The following PCYOX1 variants were observed in gnomAD, a reference collection of about 807,000 sequenced individuals.
PCYOX1 encodes prenylcysteine oxidase 1, also known as prenylcysteine lyase.
In PCYOX1, 46 loss-of-function variants were observed where a neutral mutation model predicts 46.4. The ratio of observed to expected loss-of-function variants is 0.99; its 90% CI spans 0.78 to 1.27. The LOEUF is 1.27. PCYOX1 is among the 50% of genes most tolerant of loss of function. PCYOX1 has a pLI of 0.00. For synonymous variants in PCYOX1, 220 were observed against 231.8 expected, an observed-to-expected ratio of 0.95 and a Z score of 0.46; for missense variants, 658 against 628.3, an observed-to-expected ratio of 1.05 and a Z score of -0.51.
intron 3 of PCYOX1, among the ~76,000 whole-genome samples, chr2:70,269,230 G>A (rs1157324289): frequency 2.7e-5 from 4 of 147,602 alleles, no homozygotes; most frequent in African/African-American, 7.5e-5. Context: ...AGGCTAGAGT[G>A]TAGTATGTTC....
At position 70,277,018 on chromosome 2, in the gene PCYOX1, A is replaced by G. The variant is rs1185638706; in HGVS notation, c.1144A>G (p.Ser382Gly). ...TTDNSDLFIN[S>G]IGIVPSVREK... The stretch of plus-strand genomic sequence containing the variant: ...TGATAATTCAGATTTGTTCATTAAC[A>G]GTATTGGGATTGTGCCCTCTGTGAG... The change falls in exon 6 of 6, where the codon AGT becomes GGT. Residue 382 changes from serine (S) to glycine (G), a missense_variant. Ser to Gly is a moderately conservative substitution (Grantham distance 56). Transcript: ENST00000433351. 5.0e-6 allele frequency: 8 copies of G among 1,613,960 alleles called. No homozygotes were observed. Among genetic ancestry groups the G allele is most frequent in the Non-Finnish European group, 6.8e-6 (8 of 1,179,904 alleles).
chr2:70,268,950 A>C (rs1323193035), intron 3 of PCYOX1, among the ~76,000 whole-genome samples: 1 of 152,092 alleles, frequency 6.6e-6, no homozygotes, highest in Non-Finnish European at 1.5e-5. Context: ...GAACTATAAG[A>C]AATAAAACTT....
In PCYOX1 at chr2:70,277,283, GT is replaced by G; in HGVS notation, c.1410del (p.Ser470ArgfsTer22). On this transcript the variant is annotated frameshift_variant, in exon 6 of 6. Transcript: ENST00000433351. LOFTEE classifies it high-confidence loss of function. ...TGTGCAGCAAGTGCCATGGAGATGA[GT>G]GCCATTGCAGCCCACAACGCTGCAC... Reference protein sequence around the residue: ...IECAASAMEMSAIAAHNAALL... With the variant: ...IECAASAMEMXAIAAHNAALL... 1 of 1,614,022 alleles carries G rather than the reference GT, an allele frequency of 6.2e-7. No individual in the cohort carries two copies. Among genetic ancestry groups the G allele is most frequent in the Admixed American group, 1.7e-5 (1 of 60,010 alleles).
At position 70,277,739 on chromosome 2, in the gene PCYOX1, C is replaced by T. The variant is rs551387584; in HGVS notation, c.*347C>T. 5.5e-6 allele frequency: 1 copy of T among 181,134 alleles called. No homozygotes were observed. Among genetic ancestry groups the T allele is most frequent in the Admixed American group, 5.8e-5 (1 of 17,152 alleles). 11.2% of individuals were successfully genotyped at this position (181,134 alleles called of 1,614,324 possible). ...CTGAGCAACACGAGCAAAACTCCGT[C>T]TCAAAAGTAAATAAAAATAATCACC... is the stretch of plus-strand genomic sequence containing the variant. On this transcript the variant is annotated 3_prime_UTR_variant, in exon 6 of 6. Coordinates refer to ENST00000433351, the MANE Select transcript of PCYOX1 (RefSeq NM_016297.4).
At position 70,260,013 on chromosome 2, in the gene PCYOX1, A is replaced by G. The variant is rs868577573; in HGVS notation, c.319+447A>G. On this transcript the variant is annotated intron_variant, in intron 2 of 5. Coordinates refer to ENST00000433351, the MANE Select transcript of PCYOX1 (RefSeq NM_016297.4). Reference sequence around the variant, plus strand: ...GTATTTTCAGTAGTGACGGGGTTTCACCATGTTGGCCAGCTGGTCTTGAAC... The same window carrying G: ...GTATTTTCAGTAGTGACGGGGTTTCGCCATGTTGGCCAGCTGGTCTTGAAC... Among the ~76,000 whole-genome samples, 24 of 152,142 alleles carry G rather than the reference A, an allele frequency of 1.6e-4. No individual in the cohort carries two copies. In the Middle Eastern group the frequency reaches 0.02, roughly 129 times the overall value.
At chr2:70,267,518 G>A (rs1013669675) in intron 3 of PCYOX1, among the ~76,000 whole-genome samples, 32 of 152,110 alleles carry the variant, frequency 2.1e-4, no homozygotes, top group Middle Eastern at 3.2e-3. Flanking sequence ...CTGAGTGAGC[G>A]ACACTCCGTC....
rs1394770559 is a variant in PCYOX1 at position 70,259,492 on chromosome 2, G to C, written c.245G>C (p.Gly82Ala). ...GGRLATMMVQ[G>A]QEYEAGGSVI... ...CGCCTGGCTACCATGATGGTGCAGG[G>C]GCAAGAATACGAGGCAGGAGGTTCT... The change falls in exon 2 of 6, where the codon GGG becomes GCG. Residue 82 changes from glycine to alanine, a missense_variant. Physicochemically the swap from Gly to Ala is moderately conservative, Grantham distance 60. Coordinates refer to ENST00000433351, the MANE Select transcript of PCYOX1 (RefSeq NM_016297.4). 6.2e-7 allele frequency: 1 copy of C among 1,614,060 alleles called. No homozygotes were observed. The highest frequency in any genetic ancestry group is 1.1e-5 in the South Asian group (1 of 91,078).
rs1696712969 is a variant in PCYOX1 at position 70,278,098 on chromosome 2, G to A, written c.*706G>A. ...CTTCTGTCTTGATTTGATTAGGGGT[G>A]AAATTTAGAAGTCTTAGTAATGTAA... On this transcript the variant is annotated 3_prime_UTR_variant, in exon 6 of 6. Coordinates refer to ENST00000433351, the MANE Select transcript of PCYOX1 (RefSeq NM_016297.4). 1 of 152,244 alleles carries A rather than the reference G, an allele frequency of 6.6e-6. No homozygotes were observed. The highest frequency in any genetic ancestry group is 2.1e-4 in the South Asian group (1 of 4,824). 9.4% of individuals were successfully genotyped at this position (152,244 alleles called of 1,614,324 possible). A position where few individuals can be genotyped will look rare whatever the true frequency, so the allele number is the denominator to read the frequency against.
At chr2:70,258,433 G>A in intron 1 of PCYOX1, 157 bp downstream of exon 1, 1 of 541,658 alleles carries the variant, frequency 1.8e-6, no homozygotes, top group Non-Finnish European at 3.2e-6. Flanking sequence ...ACACTTCAGG[G>A]CGGCTTTCAG....
intron 2 of PCYOX1, among the ~76,000 whole-genome samples, chr2:70,260,738 T>A (rs1383571232): frequency 6.6e-6 from 1 of 152,148 alleles, no homozygotes; most frequent in Non-Finnish European, 1.5e-5. Flanking sequence ...ATCTGAAATA[T>A]CCAGTTTTGC....
chr2:70,258,278 T>C lies in PCYOX1; in HGVS notation c.112+2T>C, dbSNP rs1185397149. The C allele has an allele frequency of 3.2e-6, 5 of 1,576,870 alleles. No individual in the cohort carries two copies. Among genetic ancestry groups the C allele is most frequent in the Non-Finnish European group, 4.3e-6 (5 of 1,167,672 alleles). ...TGCGTGCTCCGCCAGATAAAATCGG[T>C]AGGCGAGAAGGGGGCGGCGCGGGAA... is the stretch of plus-strand genomic sequence containing the variant. On this transcript the variant is annotated splice_donor_variant, in intron 1 of 5. Coordinates refer to ENST00000433351, the MANE Select transcript of PCYOX1 (RefSeq NM_016297.4). LOFTEE classifies it high-confidence loss of function.
intron 3 of PCYOX1, among the ~76,000 whole-genome samples, chr2:70,269,622 C>G (rs1696574228): frequency 6.6e-6 from 1 of 152,186 alleles, no homozygotes; most frequent in African/African-American, 2.4e-5. Flanking sequence ...CAGGCGTGAG[C>G]CACTGCACCC....
At chr2:70,273,190 T>C (rs1296648441) in intron 3 of PCYOX1, among the ~76,000 whole-genome samples, 1 of 152,190 alleles carries the variant, frequency 6.6e-6, no homozygotes, top group Non-Finnish European at 1.5e-5. Flanking sequence ...GCTTATTTAA[T>C]TGACTGTTAT....
intron 3 of PCYOX1, among the ~76,000 whole-genome samples, chr2:70,263,780 C>G (rs1696473618): frequency 6.6e-6 from 1 of 151,846 alleles, no homozygotes; most frequent in Admixed American, 6.6e-5. Flanking sequence ...CTGCCTCAGC[C>G]TCCTGAGTAG....
At chr2:70,260,614 G>A (rs1052323322) in intron 2 of PCYOX1, among the ~76,000 whole-genome samples, 4 of 152,224 alleles carry the variant, frequency 2.6e-5, no homozygotes, top group Non-Finnish European at 5.9e-5. Flanking sequence ...AACTTGGGAT[G>A]TGCAACTGCT....
intron 3 of PCYOX1, among the ~76,000 whole-genome samples, chr2:70,266,854 T>C (rs1399913915): frequency 1.3e-5 from 2 of 149,438 alleles, no homozygotes; most frequent in Non-Finnish European, 3.0e-5. Context: ...GAGTCTCCTA[T>C]GTCCACCTCT....
chr2:70,261,400 C>A lies in PCYOX1; in HGVS notation c.494+14C>A. The A allele has an allele frequency of 6.4e-7, 1 of 1,561,896 alleles. No homozygotes were observed. Among genetic ancestry groups the A allele is most frequent in the Non-Finnish European group, 8.8e-7 (1 of 1,138,618 alleles). On this transcript the variant is annotated intron_variant, in intron 3 of 5. Transcript: ENST00000433351. The stretch of plus-strand genomic sequence containing the variant: ...CAAGTTCATGAGGTAATTTTTTTTC[C>A]TTCCATTTAACCTAAGATCTTTTAA...
chr2:70,270,115 C>G (rs1696582708), intron 3 of PCYOX1, among the ~76,000 whole-genome samples: 1 of 152,154 alleles, frequency 6.6e-6, no homozygotes, highest in Admixed American at 6.5e-5. Context: ...CTGCCTCAGC[C>G]TCCTGAATAG....
At chr2:70,276,274 A>C (rs962732645) in intron 5 of PCYOX1, among the ~76,000 whole-genome samples, 93 of 150,720 alleles carry the variant, frequency 6.2e-4, no homozygotes, top group African/African-American at 2.2e-3. Flanking sequence ...GGTTCACGCC[A>C]TTCTCCTGCC....
Sources: gnomAD v4.1 joint callset for allele counts (sites outside exome capture counted in the v4.1 genomes callset) on GRCh38, gnomAD v4.1.1 for gene constraint, MANE v1.5 for transcripts, NCBI Gene and HGNC (gene_info 2026-07-23, HGNC 2026-07-21) for gene names.